The following SPATA6L variants were observed in gnomAD, a reference collection of about 807,000 sequenced individuals.
SPATA6L encodes spermatogenesis associated 6-like protein.
SPATA6L carries 68 observed loss-of-function variants against 49.2 expected under a neutral mutation model. The observed-to-expected ratio is 1.38, with a 90% CI of 1.14 to 1.69. SPATA6L has a LOEUF of 1.69. Ranked by LOEUF, SPATA6L falls within the 40% of genes most tolerant of loss-of-function variation. The pLI is 0.00. For synonymous variants in SPATA6L, 198 were observed against 165.7 expected (o/e 1.19, Z -1.50); for missense variants, 668 against 464.3 (o/e 1.44, Z -4.03).
chr9:4,659,206 G>A (rs563842769), intron 2 of SPATA6L, among the ~76,000 whole-genome samples: 1 of 152,252 alleles, frequency 6.6e-6, no homozygotes, highest in East Asian at 1.9e-4. Context: ...TTATAAAAAT[G>A]TTACATACAA....
At chr9:4,656,665 G>A (rs576257796) in intron 2 of SPATA6L, among the ~76,000 whole-genome samples, 3 of 152,306 alleles carry the variant, frequency 2.0e-5, no homozygotes, top group Middle Eastern at 3.4e-3. Flanking sequence ...ACAATAAGAA[G>A]TGCAAGAAAA....
At chr9:4,657,295 T>C (rs910685654) in intron 2 of SPATA6L, among the ~76,000 whole-genome samples, 1 of 152,324 alleles carries the variant, frequency 6.6e-6, no homozygotes, top group South Asian at 2.1e-4. Flanking sequence ...TGGGGTTTTT[T>C]TGCCTAAATT....
chr9:4,619,243 C>T (rs1048336321), intron 7 of SPATA6L, among the ~76,000 whole-genome samples: 4 of 150,704 alleles, frequency 2.7e-5, no homozygotes, highest in African/African-American at 9.8e-5. Context: ...CTGCAATCTC[C>T]GCCTCCCAGG....
At position 4,635,307 on chromosome 9, in the gene SPATA6L, C is replaced by G; in HGVS notation, c.319G>C (p.Glu107Gln). ...LTPSHPRRCR[E>Q]VLMKTALGFP... The stretch of plus-strand genomic sequence containing the variant: ...CCCAGAGCCGTCTTCATGAGCACCT[C>G]CCTACACCTCCTAGGGTGCGAAGGT... Residue 107 changes from glutamate (E) to glutamine (Q), a missense_variant, in exon 4 of 12, where the codon GAG (glutamate) becomes CAG (glutamine). By Grantham distance (29) the Glu-to-Gln change is conservative. Transcript: ENST00000682582. The G allele has an allele frequency of 6.3e-7, 1 of 1,575,836 alleles. No homozygotes were observed. Among genetic ancestry groups the G allele is most frequent in the South Asian group, 1.2e-5 (1 of 85,040 alleles).
At chr9:4,608,705 A>T (rs899179772) in intron 9 of SPATA6L, among the ~76,000 whole-genome samples, 1 of 150,942 alleles carries the variant, frequency 6.6e-6, no homozygotes, top group African/African-American at 2.5e-5. Context: ...AAAGATCCAA[A>T]ATTGACACTC....
At chr9:4,660,602 C>T (rs959904612) in intron 2 of SPATA6L, among the ~76,000 whole-genome samples, 1 of 152,236 alleles carries the variant, frequency 6.6e-6, no homozygotes, top group Non-Finnish European at 1.5e-5. Context: ...ACTAGTTCAA[C>T]CCATGTGGAA....
chr9:4,645,076 C>T (rs367918767), intron 3 of SPATA6L, among the ~76,000 whole-genome samples: 2 of 152,100 alleles, frequency 1.3e-5, no homozygotes, highest in South Asian at 2.1e-4. Context: ...TTATGAATAA[C>T]GAAATTTGAA....
At chr9:4,653,566 C>T (rs1385561855) in intron 3 of SPATA6L, among the ~76,000 whole-genome samples, 1 of 152,104 alleles carries the variant, frequency 6.6e-6, no homozygotes, top group Admixed American at 6.6e-5. Flanking sequence ...AAGTGAAAGA[C>T]AATTCTAGAA....
At position 4,616,141 on chromosome 9, in the gene SPATA6L, C is replaced by T. The variant is rs144430559; in HGVS notation, c.995+1782G>A. Among the ~76,000 whole-genome samples, 849 of 152,134 alleles carry T rather than the reference C, an allele frequency of 5.6e-3. 13 individuals carry two copies. The highest frequency in any genetic ancestry group is 0.02 in the African/African-American group (812 of 41,492). On this transcript the variant is annotated intron_variant, in intron 9 of 11. Coordinates refer to ENST00000682582, the MANE Select transcript of SPATA6L (RefSeq NM_001353486.2). ...AAAATATGAAAATTAGCCGGGCATG[C>T]CGGTGCGCACCTGCAGTCCCAGTTA...
intron 11 of SPATA6L, among the ~76,000 whole-genome samples, chr9:4,603,383 T>C (rs1158349058): frequency 6.6e-6 from 1 of 152,186 alleles, no homozygotes; most frequent in African/African-American, 2.4e-5. Flanking sequence ...TGAACCAAGA[T>C]TGCGCCATTG....
At chr9:4,607,123 T>C (rs1233513736) in intron 9 of SPATA6L, among the ~76,000 whole-genome samples, 1 of 152,016 alleles carries the variant, frequency 6.6e-6, no homozygotes, top group Non-Finnish European at 1.5e-5. Flanking sequence ...GAGCAAAGCC[T>C]CCAAGAAATA....
chr9:4,608,921 A>G (rs192914601), intron 9 of SPATA6L, among the ~76,000 whole-genome samples: 3,001 of 152,282 alleles, frequency 0.02, 91 homozygotes, highest in African/African-American at 0.069. Flanking sequence ...AGAAAAAAAG[A>G]GAGAAGAATC....
Position 4,656,031 on chromosome 9 carries a change from G to A in SPATA6L, c.226+10C>T, listed in dbSNP as rs374736007. 17 of 1,608,466 alleles carry A rather than the reference G, an allele frequency of 1.1e-5. No homozygotes were observed. Among genetic ancestry groups the A allele is most frequent in the Non-Finnish European group, 1.4e-5 (16 of 1,176,792 alleles). ...TTTTGGTTTTTTGTTTTGTTTTTCA[G>A]AGTACCTACTTTCCAAAAGGTCTAC... On this transcript the variant is annotated intron_variant, in intron 3 of 11. Coordinates refer to ENST00000682582, the MANE Select transcript of SPATA6L (RefSeq NM_001353486.2).
At chr9:4,637,717 C>T (rs1833088353) in intron 3 of SPATA6L, among the ~76,000 whole-genome samples, 1 of 146,496 alleles carries the variant, frequency 6.8e-6, no homozygotes, top group Non-Finnish European at 1.5e-5. Context: ...CTGGATGCTG[C>T]CCCCAAACCT....
intron 10 of SPATA6L, 85 bp from the exon 11 acceptor site, chr9:4,604,354 G>A (rs1824177856): frequency 3.6e-6 from 3 of 839,678 alleles, no homozygotes; most frequent in Middle Eastern, 4.8e-4. Context: ...TTGCATGTAG[G>A]AGGTCTGTGC....
intron 3 of SPATA6L, among the ~76,000 whole-genome samples, chr9:4,654,893 C>T (rs767133630): frequency 2.0e-5 from 3 of 152,162 alleles, no homozygotes; most frequent in Non-Finnish European, 2.9e-5. Context: ...TGCCTGTCCT[C>T]ACCTAGGTCT....
At chr9:4,666,085 A>G (rs1323914215) in intron 1 of SPATA6L, 127 bp downstream of exon 1, 1 of 860,162 alleles carries the variant, frequency 1.2e-6, no homozygotes, top group East Asian at 2.4e-5. Context: ...CAAAGGTGCG[A>G]TCTGTCCCAG....
chr9:4,613,772 C>T lies in SPATA6L; in HGVS notation c.995+4151G>A, dbSNP rs534721847. ...CGAATTTTTGTATTTTTCGTAGAGA[C>T]GGGGTTTTGCCTTGTTGGCCAGGCT... On this transcript the variant is annotated intron_variant, in intron 9 of 11. Transcript: ENST00000682582. Among the ~76,000 whole-genome samples the T allele has an allele frequency of 3.0e-4, 46 of 152,144 alleles. No homozygotes were observed. The South Asian group carries it at 4.4e-3, about 14-fold the overall frequency.
intron 11 of SPATA6L, 141 bp from the exon 12 acceptor site, chr9:4,600,950 C>A (rs73641477): frequency 6.6e-6 from 1 of 152,182 alleles, no homozygotes; most frequent in East Asian, 1.9e-4. Context: ...AGTCTCTGAG[C>A]TTTTTCCCCA....
Sources: gnomAD v4.1 joint callset for allele counts (sites outside exome capture counted in the v4.1 genomes callset) on GRCh38, gnomAD v4.1.1 for gene constraint, MANE v1.5 for transcripts, NCBI Gene and HGNC (gene_info 2026-07-23, HGNC 2026-07-21) for gene names.